The following SMYD3 variants were observed in gnomAD, a reference collection of about 807,000 sequenced individuals.
The protein encoded by SMYD3 is SET and MYND domain containing 3.
In SMYD3, 36 loss-of-function variants were observed where a neutral mutation model predicts 57.7. The ratio of observed to expected loss-of-function variants is 0.62; its 90% CI spans 0.48 to 0.82. The LOEUF (loss-of-function observed/expected upper bound fraction) is 0.82, where lower values mean the gene tolerates loss of function less well. Ranked by LOEUF, SMYD3 falls within the 40% of genes least tolerant of loss-of-function variation. SMYD3 has a pLI of 0.00. For synonymous variants in SMYD3, 211 were observed against 195.0 expected, an observed-to-expected ratio of 1.08 and a Z score of -0.68; for missense variants, 515 against 538.8, an observed-to-expected ratio of 0.96 and a Z score of 0.44.
chr1:246,420,634 A>T (rs1238467529), intron 1 of SMYD3, among the ~76,000 whole-genome samples: 1 of 152,218 alleles, frequency 6.6e-6, no homozygotes, highest in African/African-American at 2.4e-5. Context: ...CGCAGGTGAA[A>T]GATTCAACTG....
At chr1:246,217,094 T>C (rs771419650) in intron 5 of SMYD3, among the ~76,000 whole-genome samples, 1 of 152,110 alleles carries the variant, frequency 6.6e-6, no homozygotes, top group Non-Finnish European at 1.5e-5. Context: ...TCTAGACTCA[T>C]AAGCAGAAGT....
chr1:245,879,206 T>C (rs1241102423), intron 8 of SMYD3, among the ~76,000 whole-genome samples: 1 of 152,242 alleles, frequency 6.6e-6, no homozygotes, highest in Non-Finnish European at 1.5e-5. Context: ...CTGTACAAGG[T>C]TCACGTTCTA....
intron 1 of SMYD3, among the ~76,000 whole-genome samples, chr1:246,495,413 A>C (rs954608864): frequency 8.6e-5 from 13 of 151,426 alleles, no homozygotes; most frequent in Non-Finnish European, 1.8e-4. Flanking sequence ...TTAAATGAGA[A>C]TCTCTGAGGG....
At chr1:246,258,770 G>A (rs1465341242) in intron 5 of SMYD3, among the ~76,000 whole-genome samples, 1 of 152,136 alleles carries the variant, frequency 6.6e-6, no homozygotes, top group Non-Finnish European at 1.5e-5. Flanking sequence ...TACCTCTCTA[G>A]CAAGCTTAGG....
At chr1:246,135,187 G>A (rs1222461401) in intron 5 of SMYD3, among the ~76,000 whole-genome samples, 3 of 152,056 alleles carry the variant, frequency 2.0e-5, no homozygotes, top group Non-Finnish European at 4.4e-5. Context: ...GAAAGCTTTT[G>A]TTTCAAATCC....
intron 3 of SMYD3, 48 bp downstream of exon 3, chr1:246,335,319 T>C (rs763234010): frequency 2.0e-5 from 30 of 1,517,616 alleles, no homozygotes; most frequent in Non-Finnish European, 2.0e-5. Context: ...CAATTGCATA[T>C]GTTTATTTAA....
intron 5 of SMYD3, among the ~76,000 whole-genome samples, chr1:246,261,496 T>G (rs1394224629): frequency 6.6e-6 from 1 of 152,052 alleles, no homozygotes; most frequent in African/African-American, 2.4e-5. Flanking sequence ...ATGTTTTCAA[T>G]GACAATAAAT....
intron 5 of SMYD3, among the ~76,000 whole-genome samples, chr1:245,933,704 G>A (rs888508127): frequency 5.3e-5 from 8 of 152,142 alleles, no homozygotes; most frequent in African/African-American, 1.9e-4. Context: ...CACACAAAGT[G>A]AATACCTTAC....
At chr1:246,262,968 A>G (rs6658146) in intron 5 of SMYD3, among the ~76,000 whole-genome samples, 31,572 of 152,108 alleles carry the variant, frequency 0.21, 3,993 homozygotes, top group East Asian at 0.58. Context: ...CATGATGCAC[A>G]TTCTCTCAAC....
intron 8 of SMYD3, among the ~76,000 whole-genome samples, chr1:245,899,462 G>A (rs1291133962): frequency 6.6e-6 from 1 of 152,158 alleles, no homozygotes; most frequent in Non-Finnish European, 1.5e-5. Flanking sequence ...GGGCCCTATG[G>A]CTGTCTAGTG....
intron 5 of SMYD3, among the ~76,000 whole-genome samples, chr1:246,151,209 G>A (rs1210207133): frequency 6.7e-6 from 1 of 150,186 alleles, no homozygotes; most frequent in East Asian, 2.0e-4. Context: ...CCGTGCCACT[G>A]CACTCCAGCC....
At chr1:245,917,974 C>T (rs947103808) in intron 7 of SMYD3, among the ~76,000 whole-genome samples, 1 of 152,192 alleles carries the variant, frequency 6.6e-6, no homozygotes, top group Non-Finnish European at 1.5e-5. Context: ...GGCAGCCACC[C>T]TCTCTGGCAG....
At chr1:245,859,766 G>A (rs1434194885) in intron 9 of SMYD3, among the ~76,000 whole-genome samples, 1 of 152,218 alleles carries the variant, frequency 6.6e-6, no homozygotes, top group Admixed American at 6.5e-5. Context: ...CCAGTAGGGT[G>A]AAAAGGTTTG....
chr1:245,897,600 G>T (rs529444042), intron 8 of SMYD3, among the ~76,000 whole-genome samples: 1 of 152,044 alleles, frequency 6.6e-6, no homozygotes, highest in East Asian at 1.9e-4. Flanking sequence ...CTTTTATTAA[G>T]AAGTATTAAT....
At chr1:246,237,708 T>G (rs2063533837) in intron 5 of SMYD3, among the ~76,000 whole-genome samples, 1 of 152,198 alleles carries the variant, frequency 6.6e-6, no homozygotes, top group Non-Finnish European at 1.5e-5. Context: ...CTTCTAGACT[T>G]TTTGCCACAT....
chr1:245,972,678 G>A (rs1165467484), intron 5 of SMYD3, among the ~76,000 whole-genome samples: 8 of 152,236 alleles, frequency 5.3e-5, no homozygotes, highest in Non-Finnish European at 7.3e-5. Context: ...GGAAGTGAAA[G>A]AGTTGGGAAC....
At chr1:246,079,902 G>A (rs886329064) in intron 5 of SMYD3, among the ~76,000 whole-genome samples, 4 of 152,102 alleles carry the variant, frequency 2.6e-5, no homozygotes, top group Non-Finnish European at 4.4e-5. Context: ...AATAACTCAC[G>A]ATAGAGCAGT....
intron 10 of SMYD3, among the ~76,000 whole-genome samples, chr1:245,780,867 A>T (rs1297197046): frequency 6.6e-6 from 1 of 152,252 alleles, no homozygotes; most frequent in Non-Finnish European, 1.5e-5. Context: ...ATCAACTGGG[A>T]GTAGATAAAT....
chr1:246,184,477 C>T (rs2062601355), intron 5 of SMYD3, among the ~76,000 whole-genome samples: 3 of 152,194 alleles, frequency 2.0e-5, no homozygotes, highest in Admixed American at 2.0e-4. Flanking sequence ...TCTTGCCATC[C>T]TCAATCTGTA....
Sources: allele counts gnomAD v4.1 joint callset (sites outside exome capture counted in the v4.1 genomes callset), GRCh38; gene constraint gnomAD v4.1.1; transcripts MANE v1.5; gene names NCBI Gene and HGNC (gene_info 2026-07-23, HGNC 2026-07-21).